The following ERBB4 variants were observed in gnomAD, a reference collection of about 807,000 sequenced individuals.
ERBB4 encodes the protein receptor tyrosine-protein kinase erbB-4.
A neutral mutation model predicts 158.0 loss-of-function variants in ERBB4; 42 were observed. The observed-to-expected ratio is 0.27, with a 90% CI of 0.21 to 0.34. The LOEUF is 0.34. Among genes scored for constraint, ERBB4 ranks in the 10% least tolerant of loss-of-function variants. ERBB4 has a pLI of 1.00. For missense variants in ERBB4, 1,333 were observed against 1,624.1 expected (o/e 0.82, Z 3.08); for synonymous variants, 583 against 558.7 (o/e 1.04, Z -0.61).
intron 20 of ERBB4, among the ~76,000 whole-genome samples, chr2:211,556,438 T>A (rs879307192): frequency 6.6e-6 from 1 of 152,178 alleles, no homozygotes; most frequent in African/African-American, 2.4e-5. Context: ...ATTAAATGGA[T>A]CTGATAGAAA....
intron 20 of ERBB4, among the ~76,000 whole-genome samples, chr2:211,546,591 T>C (rs1317724454): frequency 6.6e-6 from 1 of 152,068 alleles, no homozygotes; most frequent in Non-Finnish European, 1.5e-5. Context: ...TTTCTTATGG[T>C]TAAATGAGGG....
At chr2:212,010,748 G>A (rs1385673937) in intron 2 of ERBB4, among the ~76,000 whole-genome samples, 2 of 152,016 alleles carry the variant, frequency 1.3e-5, no homozygotes, top group Non-Finnish European at 2.9e-5. Flanking sequence ...TAAGCCTGAG[G>A]GTACTGCAAG....
At chr2:212,266,677 G>GATT (rs1052108113) in intron 1 of ERBB4, among the ~76,000 whole-genome samples, 6 of 151,862 alleles carry the variant, frequency 4.0e-5, no homozygotes, top group East Asian at 1.9e-4. Context: ...TTGGTGACAG[G>GATT]ATTATTATTA....
chr2:212,033,258 A>C (rs1279795959), intron 2 of ERBB4, among the ~76,000 whole-genome samples: 1 of 152,016 alleles, frequency 6.6e-6, no homozygotes, highest in African/African-American at 2.4e-5. Context: ...TAGTGATATC[A>C]AGATTACTTT....
intron 20 of ERBB4, among the ~76,000 whole-genome samples, chr2:211,498,169 C>G (rs1420928232): frequency 6.6e-6 from 1 of 152,038 alleles, no homozygotes; most frequent in Non-Finnish European, 1.5e-5. Flanking sequence ...ACAGTGGTCT[C>G]TCCACAATAT....
intron 2 of ERBB4, among the ~76,000 whole-genome samples, chr2:212,024,463 G>A (rs1422650064): frequency 1.3e-5 from 2 of 151,876 alleles, no homozygotes; most frequent in Non-Finnish European, 1.5e-5. Context: ...ATCCCTTATT[G>A]CTTCGTGTTC....
Position 211,748,899 on chromosome 2 carries a change from G to A in ERBB4, c.622+1740C>T, listed in dbSNP as rs138917507. Among the ~76,000 whole-genome samples, 15 of 152,258 alleles carry A rather than the reference G, an allele frequency of 9.9e-5. 1 individual carries two copies. The highest frequency in any genetic ancestry group is 6.8e-3 in the Middle Eastern group (2 of 294). On this transcript the variant is annotated intron_variant, in intron 5 of 27. Transcript: ENST00000342788. ...CTTGACTTCCTGCAAATGGTCACAT[G>A]CGTGTCAGACCAGCACTGGGATGCA...
intron 3 of ERBB4, among the ~76,000 whole-genome samples, chr2:211,862,407 T>C (rs988436268): frequency 1.1e-4 from 16 of 152,154 alleles, no homozygotes; most frequent in Non-Finnish European, 2.4e-4. Context: ...TGCTTTGTTC[T>C]CAATTTTTTT....
chr2:212,477,348 T>G (rs1031417536), intron 1 of ERBB4, among the ~76,000 whole-genome samples: 9 of 152,052 alleles, frequency 5.9e-5, no homozygotes, highest in Non-Finnish European at 1.2e-4. Flanking sequence ...AAATTACACC[T>G]CCAATGTAAT....
At chr2:211,773,609 TATATATATA>T (rs1211771908) in intron 4 of ERBB4, among the ~76,000 whole-genome samples, 1 of 23,862 alleles carries the variant, frequency 4.2e-5, no homozygotes, top group African/African-American at 4.5e-4. Flanking sequence ...TATATATATA[TATATATATA>T]TATATATATA....
intron 25 of ERBB4, among the ~76,000 whole-genome samples, chr2:211,403,593 C>T (rs756361211): frequency 9.9e-5 from 15 of 152,102 alleles, no homozygotes; most frequent in Admixed American, 2.6e-4. Context: ...GTCTTATCTC[C>T]ACTGCACTTT....
chr2:212,460,941 C>A (rs1245449710), intron 1 of ERBB4, among the ~76,000 whole-genome samples: 1 of 152,172 alleles, frequency 6.6e-6, no homozygotes, highest in African/African-American at 2.4e-5. Context: ...GAACCAGGGT[C>A]CCCATGCTGT....
intron 19 of ERBB4, among the ~76,000 whole-genome samples, chr2:211,563,210 T>C (rs1476471969): frequency 6.6e-6 from 1 of 152,178 alleles, no homozygotes; most frequent in Non-Finnish European, 1.5e-5. Flanking sequence ...TAATTTGAAA[T>C]AGACATAACC....
chr2:211,856,633 C>T (rs943565973), intron 3 of ERBB4, among the ~76,000 whole-genome samples: 2 of 152,116 alleles, frequency 1.3e-5, no homozygotes, highest in African/African-American at 4.8e-5. Context: ...GTGATCCGCC[C>T]GCCTCGGCCT....
chr2:211,699,301 A>G (rs2073143204), intron 12 of ERBB4, among the ~76,000 whole-genome samples: 1 of 149,374 alleles, frequency 6.7e-6, no homozygotes, highest in South Asian at 2.2e-4. Context: ...TGTAGTGAAC[A>G]TGTGCGTATG....
intron 7 of ERBB4, among the ~76,000 whole-genome samples, chr2:211,714,392 T>C (rs1489309182): frequency 6.6e-6 from 1 of 152,200 alleles, no homozygotes; most frequent in Non-Finnish European, 1.5e-5. Context: ...GGGAATATTG[T>C]TCTGGCACAA....
At chr2:211,924,868 A>G (rs2079973687) in intron 3 of ERBB4, among the ~76,000 whole-genome samples, 10 of 152,246 alleles carry the variant, frequency 6.6e-5, no homozygotes, top group Admixed American at 6.5e-4. Flanking sequence ...ACGTACGTTT[A>G]TCCGCATCCA....
At chr2:211,928,902 G>C (rs767479858) in intron 3 of ERBB4, among the ~76,000 whole-genome samples, 4 of 152,160 alleles carry the variant, frequency 2.6e-5, no homozygotes, top group Non-Finnish European at 5.9e-5. Context: ...AGTTTGGGGT[G>C]ACACAAAGCC....
At chr2:211,927,078 G>C (rs1306954312) in intron 3 of ERBB4, among the ~76,000 whole-genome samples, 1 of 152,118 alleles carries the variant, frequency 6.6e-6, no homozygotes, top group Non-Finnish European at 1.5e-5. Flanking sequence ...TAAGCTAAAT[G>C]GGGTACAAAA....
Sources: allele counts gnomAD v4.1 joint callset (sites outside exome capture counted in the v4.1 genomes callset), GRCh38; gene constraint gnomAD v4.1.1; transcripts MANE v1.5; gene names NCBI Gene and HGNC (gene_info 2026-07-23, HGNC 2026-07-21).